Variants in EML4 observed in about 807,000 individuals in gnomAD.
EML4 encodes EMAP like 4.
In EML4, 72 loss-of-function variants were observed where a neutral mutation model predicts 129.0. The observed-to-expected ratio is 0.56, with a 90% CI of 0.46 to 0.68. The LOEUF is 0.68. Among genes scored for constraint, EML4 ranks in the 30% least tolerant of loss-of-function variants. The pLI is 0.00. For synonymous variants in EML4, 532 were observed against 405.0 expected (o/e 1.31, Z -3.77); for missense variants, 1,363 against 1,190.6 (o/e 1.14, Z -2.13).
At chr2:42,305,587 C>T (rs1668554126) in intron 17 of EML4, among the ~76,000 whole-genome samples, 1 of 152,200 alleles carries the variant, frequency 6.6e-6, no homozygotes, top group Non-Finnish European at 1.5e-5. Context: ...AATTTAAGAC[C>T]TGTCTTGCAG....
At chr2:42,294,655 C>T (rs1667844939) in intron 11 of EML4, among the ~76,000 whole-genome samples, 1 of 151,844 alleles carries the variant, frequency 6.6e-6, no homozygotes, top group African/African-American at 2.4e-5. Flanking sequence ...AAGATCACTC[C>T]ATTTGCACTC....
chr2:42,225,853 C>T (rs749659741), intron 1 of EML4, among the ~76,000 whole-genome samples: 9 of 151,988 alleles, frequency 5.9e-5, no homozygotes, highest in Non-Finnish European at 1.0e-4. Context: ...AATTTAAAAA[C>T]TTGTTTTTTG....
At chr2:42,245,453 A>G (rs996723584) in intron 1 of EML4, 52 bp from the exon 2 acceptor site, 1 of 1,464,236 alleles carries the variant, frequency 6.8e-7, no homozygotes, top group Non-Finnish European at 9.3e-7. Flanking sequence ...ATCAGAAATT[A>G]CTTCTCAAGC....
chr2:42,238,806 CA>C (rs905390192), intron 1 of EML4, among the ~76,000 whole-genome samples: 1 of 152,110 alleles, frequency 6.6e-6, no homozygotes, highest in African/African-American at 2.4e-5. Context: ...GTTTTAAAGA[CA>C]GGGTCTTGCT....
intron 4 of EML4, among the ~76,000 whole-genome samples, chr2:42,261,874 T>G (rs577870267): frequency 6.6e-6 from 1 of 152,274 alleles, no homozygotes; most frequent in African/African-American, 2.4e-5. Context: ...TAATTAATAT[T>G]TTAAAGTTAT....
intron 1 of EML4, among the ~76,000 whole-genome samples, chr2:42,217,474 T>TAA (rs774971505): frequency 2.1e-4 from 32 of 152,234 alleles, no homozygotes; most frequent in Non-Finnish European, 3.4e-4. Context: ...TGGAAACAGA[T>TAA]GGTTACTGTT....
At chr2:42,254,239 G>C (rs904133480) in intron 2 of EML4, among the ~76,000 whole-genome samples, 2 of 152,156 alleles carry the variant, frequency 1.3e-5, no homozygotes, top group Admixed American at 1.3e-4. Flanking sequence ...TGGATTGCTT[G>C]AACCTAAGAG....
intron 13 of EML4, among the ~76,000 whole-genome samples, chr2:42,298,805 T>C (rs1369199030): frequency 6.6e-6 from 1 of 152,228 alleles, no homozygotes; most frequent in Non-Finnish European, 1.5e-5. Flanking sequence ...AAGCTTTATT[T>C]TCTTACATTC....
intron 1 of EML4, among the ~76,000 whole-genome samples, chr2:42,201,757 C>T (rs1463218342): frequency 1.3e-5 from 2 of 152,066 alleles, no homozygotes; most frequent in Non-Finnish European, 2.9e-5. Flanking sequence ...CACATGATTT[C>T]ACTTATATGT....
At chr2:42,194,347 C>CT (rs34026132) in intron 1 of EML4, among the ~76,000 whole-genome samples, 20,763 of 126,664 alleles carry the variant, frequency 0.16, 1,992 homozygotes, top group Middle Eastern at 0.28. Flanking sequence ...CTCTCTCTCT[C>CT]TTTTTTTTTT....
intron 11 of EML4, chr2:42,289,913 C>CAAAAA (rs869189390): frequency 4.5e-4 from 25 of 55,812 alleles, no homozygotes; most frequent in Non-Finnish European, 6.6e-4. Context: ...ACTAAAAATA[C>CAAAAA]AAAAAAAAAA....
rs1667879070 is a variant in EML4, at chr2:42,295,293, T to C, written c.1353+34T>C. 2.5e-6 allele frequency: 4 copies of C among 1,599,040 alleles called. No individual in the cohort carries two copies. In the African/African-American group the frequency reaches 4.1e-5, roughly 16 times the overall value. On this transcript the variant is annotated intron_variant, in intron 12 of 22. Coordinates refer to ENST00000318522, the MANE Select transcript of EML4 (RefSeq NM_019063.5). ...CAGATTGTTTTAATGTCATTAGGTG[T>C]ATAAGACTTTAATTTTTTTAATTGT...
chr2:42,256,585 C>T lies in EML4; in HGVS notation c.293C>T (p.Ala98Val), dbSNP rs1160584001. 9 of 1,613,954 alleles carry T rather than the reference C, an allele frequency of 5.6e-6. No homozygotes were observed. Among genetic ancestry groups the T allele is most frequent in the East Asian group, 2.2e-5 (1 of 44,868 alleles). Residue 98 changes from alanine (A) to valine (V), a missense_variant, in exon 3 of 23, where the codon GCT (alanine) becomes GTT (valine). Coordinates refer to ENST00000318522, the MANE Select transcript of EML4 (RefSeq NM_019063.5). ...AACAGAAAACCAAGTCATACCAGTG[C>T]TGTCTCAATTGCAGGAAAAGAAACT... ...GANRKPSHTS[A>V]VSIAGKETLS...
chr2:42,303,806 T>C (rs1668440621), intron 16 of EML4, among the ~76,000 whole-genome samples: 1 of 152,060 alleles, frequency 6.6e-6, no homozygotes, highest in Admixed American at 6.5e-5. Flanking sequence ...GCGCCTGTAG[T>C]CCCAGCTACT....
In EML4 at chr2:42,248,108, G is replaced by A. The variant is rs182777938; in HGVS notation, c.208+2421G>A. ...ATTCCTCAGCCTCTGGAGTAGCTAG[G>A]ACTACAGGTGTACACCACCATGCCC... is the stretch of plus-strand genomic sequence containing the variant. On this transcript the variant is annotated intron_variant, in intron 2 of 22. Transcript: ENST00000318522. 2.4e-3 allele frequency among the ~76,000 whole-genome samples: 359 copies of A among 152,132 alleles called. 2 individuals carry two copies. In the South Asian group the frequency reaches 0.026, roughly 11 times the overall value.
chr2:42,300,170 C>A (rs1269064992), intron 13 of EML4, among the ~76,000 whole-genome samples: 1 of 152,132 alleles, frequency 6.6e-6, no homozygotes, highest in African/African-American at 2.4e-5. Context: ...TTCAAGAGGA[C>A]TAAGGGCTGT....
At chr2:42,323,387 A>C (rs1007235117) in intron 19 of EML4, among the ~76,000 whole-genome samples, 13 of 152,326 alleles carry the variant, frequency 8.5e-5, no homozygotes, top group African/African-American at 3.1e-4. Context: ...ATGCCTAGCA[A>C]GTGATTCCCA....
chr2:42,291,928 C>A (rs1667668540), intron 11 of EML4, among the ~76,000 whole-genome samples: 1 of 152,082 alleles, frequency 6.6e-6, no homozygotes, highest in Admixed American at 6.6e-5. Flanking sequence ...CAAATTAAAA[C>A]CCAAGTGCAA....
chr2:42,210,855 T>C (rs1018275699), intron 1 of EML4, among the ~76,000 whole-genome samples: 3 of 152,204 alleles, frequency 2.0e-5, no homozygotes, highest in Admixed American at 6.5e-5. Flanking sequence ...ATTTAGTTTT[T>C]AGAGATTTAT....
Sources: gnomAD v4.1 joint callset for allele counts (sites outside exome capture counted in the v4.1 genomes callset) on GRCh38, gnomAD v4.1.1 for gene constraint, MANE v1.5 for transcripts, NCBI Gene and HGNC (gene_info 2026-07-23, HGNC 2026-07-21) for gene names.